Variants in ASCC3 observed in about 807,000 individuals in gnomAD.
ASCC3 encodes ASC-1 complex subunit P200.
ASCC3 carries 158 observed loss-of-function variants against 256.3 expected under a neutral mutation model. That is an observed-to-expected ratio of 0.62 (90% CI 0.54 to 0.70). ASCC3 has a LOEUF of 0.70. Among genes scored for constraint, ASCC3 ranks in the 30% least tolerant of loss-of-function variants. The probability of loss-of-function intolerance (pLI) is 0.00; values close to 1 mark genes in which losing one functional copy is unlikely to be tolerated. For missense variants in ASCC3, 2,259 were observed against 2,626.0 expected, an observed-to-expected ratio of 0.86 and a Z score of 3.05; for synonymous variants, 948 against 883.4, an observed-to-expected ratio of 1.07 and a Z score of -1.30.
At chr6:100,869,344 A>G (rs1484687793) in intron 1 of ASCC3, among the ~76,000 whole-genome samples, 6 of 152,314 alleles carry the variant, frequency 3.9e-5, no homozygotes, top group Non-Finnish European at 7.4e-5. Context: ...GTTCCTCTTG[A>G]CTACTGTATT....
At chr6:100,687,649 A>G (rs1190472987) in intron 13 of ASCC3, among the ~76,000 whole-genome samples, 1 of 152,094 alleles carries the variant, frequency 6.6e-6, no homozygotes, top group Non-Finnish European at 1.5e-5. Context: ...TGCTATGGTT[A>G]TTTTACTGCT....
intron 34 of ASCC3, among the ~76,000 whole-genome samples, chr6:100,598,407 G>A (rs971035361): frequency 1.3e-5 from 2 of 152,142 alleles, no homozygotes; most frequent in African/African-American, 4.8e-5. Context: ...TGTGTGAGCA[G>A]GAGACATCCT....
chr6:100,631,023 CTA>C, intron 26 of ASCC3, 103 bp downstream of exon 26: 1 of 794,670 alleles, frequency 1.3e-6, no homozygotes, highest in South Asian at 1.6e-5. Flanking sequence ...AAATAAAAGA[CTA>C]TGAAAATCAC....
Position 100,650,816 on chromosome 6 carries a change from C to A in ASCC3, c.3076-102G>T, listed in dbSNP as rs545730476. ...CATGTTTTTAAAGAGTTTCCATTTA[C>A]TATAATGCAGCATTTTTCTTTCATA... On this transcript the variant is annotated intron_variant, in intron 19 of 41. Coordinates refer to ENST00000369162, the MANE Select transcript of ASCC3 (RefSeq NM_006828.4). 80 of 937,260 alleles carry A rather than the reference C, an allele frequency of 8.5e-5. No homozygotes were observed. The African/African-American group carries it at 1.1e-3, about 13-fold the overall frequency. 58.1% of individuals were successfully genotyped at this position (937,260 alleles called of 1,614,324 possible).
rs1374986830 is a variant in ASCC3 at position 100,509,053 on chromosome 6, T to A, written c.*333A>T. On this transcript the variant is annotated 3_prime_UTR_variant, in exon 42 of 42. Coordinates refer to ENST00000369162, the MANE Select transcript of ASCC3 (RefSeq NM_006828.4). ...CCTTAAAAAAAGCAGCCAATATCCA[T>A]GTAAACAGTACATTGTGAGATGTAA... 1 of 325,494 alleles carries A rather than the reference T, an allele frequency of 3.1e-6. No homozygotes were observed. The highest frequency in any genetic ancestry group is 7.8e-5 in the East Asian group (1 of 12,798). The allele number at this position is 325,494 out of a possible 1,614,324, so 20.2% of individuals were successfully genotyped here.
chr6:100,845,335 A>C (rs1330657470), intron 4 of ASCC3, among the ~76,000 whole-genome samples: 1 of 152,188 alleles, frequency 6.6e-6, no homozygotes, highest in Non-Finnish European at 1.5e-5. Context: ...GCAGACCAGG[A>C]AAGTTAGAAA....
intron 8 of ASCC3, among the ~76,000 whole-genome samples, chr6:100,777,060 A>G (rs1441006241): frequency 6.6e-6 from 1 of 152,058 alleles, no homozygotes; most frequent in Non-Finnish European, 1.5e-5. Flanking sequence ...TTCCTCACAA[A>G]CCTGGCTCCA....
chr6:100,589,515 C>T (rs1771878718), intron 36 of ASCC3, 119 bp downstream of exon 36: 4 of 1,216,094 alleles, frequency 3.3e-6, no homozygotes, highest in Admixed American at 2.0e-5. Context: ...TTGTAGTGAC[C>T]TTGTTTGACA....
At chr6:100,736,789 T>C (rs1780190693) in intron 10 of ASCC3, among the ~76,000 whole-genome samples, 1 of 152,166 alleles carries the variant, frequency 6.6e-6, no homozygotes, top group Non-Finnish European at 1.5e-5. Flanking sequence ...GGATCTAAGC[T>C]AAACTAAGTG....
At position 100,627,876 on chromosome 6, in the gene ASCC3, G is replaced by C. The variant is rs778738426; in HGVS notation, c.4487C>G (p.Ala1496Gly). ...ATTGAGCCAATCAGCAAGGTCTCTG[G>C]CATTAGCTAATGCAGTAGATAGTCC... is the stretch of plus-strand genomic sequence containing the variant. ...IVGLSTALANARDLADWLNIK... is the reference protein window; with the variant it reads ...IVGLSTALANGRDLADWLNIK... The change falls in exon 28 of 42, where the codon GCC (alanine) becomes GGC (glycine). Residue 1496 changes from alanine to glycine, a missense_variant. Ala to Gly is a moderately conservative substitution (Grantham distance 60). Coordinates refer to ENST00000369162, the MANE Select transcript of ASCC3 (RefSeq NM_006828.4). The C allele has an allele frequency of 9.9e-6, 16 of 1,613,498 alleles. No individual in the cohort carries two copies. Among genetic ancestry groups the C allele is most frequent in the Non-Finnish European group, 1.4e-5 (16 of 1,179,800 alleles).
At chr6:100,676,743 C>A (rs970088144) in intron 14 of ASCC3, among the ~76,000 whole-genome samples, 1 of 129,600 alleles carries the variant, frequency 7.7e-6, no homozygotes, top group African/African-American at 3.0e-5. Context: ...TGTGCGCGCG[C>A]GTGCGCGCAC....
rs1409281068 is a variant in ASCC3, at chr6:100,608,199, TTATA to T, written c.4786-1115_4786-1112del. On this transcript the variant is annotated intron_variant, in intron 30 of 41. Transcript: ENST00000369162. ...ATATATGTGTGTGTATATATATACT[TTATA>T]TATATACTTTATATATATACTTTAT... 3.3e-5 allele frequency among the ~76,000 whole-genome samples: 3 copies of T among 91,646 alleles called. 1 individual carries two copies. The highest frequency in any genetic ancestry group is 3.2e-4 in the Admixed American group (2 of 6,324). The allele number at this position is 91,646 out of a possible 152,430, so 60.1% of individuals were successfully genotyped here. A position where few individuals can be genotyped will look rare whatever the true frequency, so the allele number is the denominator to read the frequency against.
chr6:100,857,636 A>G (rs555984867), intron 3 of ASCC3: 6 of 152,180 alleles, frequency 3.9e-5, no homozygotes, highest in African/African-American at 1.2e-4. Flanking sequence ...TTTGGCCTTC[A>G]TTATAAATCA....
intron 10 of ASCC3, among the ~76,000 whole-genome samples, chr6:100,761,533 C>T (rs751920759): frequency 2.4e-4 from 36 of 152,160 alleles, no homozygotes; most frequent in Non-Finnish European, 2.9e-4. Context: ...TGACAACCTA[C>T]GAATCTATTT....
chr6:100,578,853 C>T (rs926860297), intron 36 of ASCC3, among the ~76,000 whole-genome samples: 1 of 152,144 alleles, frequency 6.6e-6, no homozygotes, highest in Non-Finnish European at 1.5e-5. Flanking sequence ...CTGCTTTCCA[C>T]AATGGCTGAA....
intron 21 of ASCC3, 44 bp downstream of exon 21, chr6:100,647,166 CCAGCAACATATTTTAT>C: frequency 7.1e-7 from 1 of 1,405,392 alleles, no homozygotes; most frequent in Non-Finnish European, 1.0e-6. Flanking sequence ...TCTTTTACAC[CCAGCAACATATTTTAT>C]TTGCACAAAA....
chr6:100,647,403 G>A lies in ASCC3; in HGVS notation c.3301C>T (p.Arg1101Cys), dbSNP rs148654279. The change falls in exon 21 of 42, where the codon CGT becomes TGT. Residue 1101 changes from arginine (R) to cysteine (C), a missense_variant. Physicochemically the swap from Arg to Cys is radical, Grantham distance 180. This residue lies in a region of ASCC3 where 1,839 missense variants were observed against 2,206.7 expected (regional missense o/e 0.83). Coordinates refer to ENST00000369162, the MANE Select transcript of ASCC3 (RefSeq NM_006828.4). ...AGCCTGTAGGTCATGGTAGGCCAAC[G>A]TTTCCTCAGAGCAATTTCAAAAAGA... ...RALFEIALRK[R>C]WPTMTYRLLN... is the part of the protein sequence containing the mutation. The A allele has an allele frequency of 1.6e-5, 26 of 1,613,846 alleles. No individual in the cohort carries two copies. The highest frequency in any genetic ancestry group is 1.6e-5 in the Non-Finnish European group (19 of 1,179,960).
At chr6:100,705,801 G>A (rs764066460) in intron 13 of ASCC3, among the ~76,000 whole-genome samples, 14 of 151,972 alleles carry the variant, frequency 9.2e-5, no homozygotes, top group Non-Finnish European at 1.8e-4. Flanking sequence ...AACAGTTTAC[G>A]TACACAGCCC....
At chr6:100,815,739 G>A (rs1420942241) in intron 4 of ASCC3, among the ~76,000 whole-genome samples, 1 of 151,934 alleles carries the variant, frequency 6.6e-6, no homozygotes, top group East Asian at 1.9e-4. Context: ...CTGGAAGATT[G>A]AATCTTCCTT....
Sources: allele counts gnomAD v4.1 joint callset (sites outside exome capture counted in the v4.1 genomes callset), GRCh38; gene constraint gnomAD v4.1.1; regional missense constraint gnomAD v4.1.1; transcripts MANE v1.5; gene names NCBI Gene and HGNC (gene_info 2026-07-23, HGNC 2026-07-21).